Variants in CAP1 observed in about 807,000 individuals in gnomAD.
CAP1 encodes adenylyl cyclase-associated protein 1.
CAP1 carries 11 observed loss-of-function variants against 58.2 expected under a neutral mutation model. The ratio of observed to expected loss-of-function variants is 0.19; its 90% CI spans 0.12 to 0.31. The LOEUF is 0.31. Ranked by LOEUF, CAP1 falls within the 10% of genes least tolerant of loss-of-function variation. The pLI is 1.00. For missense variants in CAP1, 423 were observed against 587.5 expected, an observed-to-expected ratio of 0.72 and a Z score of 2.89; for synonymous variants, 183 against 213.8, an observed-to-expected ratio of 0.86 and a Z score of 1.26.
intron 6 of CAP1, among the ~76,000 whole-genome samples, 188 bp from the exon 7 acceptor site, chr1:40,066,027 G>A (rs1327832846): frequency 6.6e-6 from 1 of 152,166 alleles, no homozygotes; most frequent in Non-Finnish European, 1.5e-5. Context: ...GTGGAGTTTG[G>A]TCTGATTAGG....
chr1:40,040,476 AG>A, upstream of CAP1: 1 of 152,310 alleles, frequency 6.6e-6, no homozygotes, highest in South Asian at 2.1e-4. Context: ...GGGTAGGTAA[AG>A]CGGAACGAGG....
chr1:40,053,182 C>T (rs752807424), intron 1 of CAP1, among the ~76,000 whole-genome samples: 4 of 152,102 alleles, frequency 2.6e-5, no homozygotes, highest in Non-Finnish European at 5.9e-5. Flanking sequence ...TGAGATCGTG[C>T]CACTGTACAG....
At chr1:40,066,777 G>T (rs1460903885) in intron 7 of CAP1, among the ~76,000 whole-genome samples, 3 of 152,238 alleles carry the variant, frequency 2.0e-5, no homozygotes, top group Non-Finnish European at 2.9e-5. Context: ...GTATAGGGCA[G>T]TGAGAAGTGG....
intron 1 of CAP1, among the ~76,000 whole-genome samples, chr1:40,048,090 C>G (rs578120220): frequency 6.8e-4 from 103 of 151,548 alleles, no homozygotes; most frequent in Non-Finnish European, 1.3e-3. Context: ...TCTGTCTTGG[C>G]TCACCGTAAC....
chr1:40,057,455 C>G (rs1646665917), intron 1 of CAP1: 1 of 152,094 alleles, frequency 6.6e-6, no homozygotes, highest in African/African-American at 2.4e-5. Flanking sequence ...GGACATAGAC[C>G]TGGAGGCTTC....
chr1:40,053,636 G>A (rs760237949), intron 1 of CAP1, among the ~76,000 whole-genome samples: 1 of 152,032 alleles, frequency 6.6e-6, no homozygotes, highest in Non-Finnish European at 1.5e-5. Context: ...TAGTAAAGAC[G>A]GGGTTTCTCC....
In CAP1 at chr1:40,064,572, T is replaced by G. The variant is rs1557691749; in HGVS notation, c.524+13T>G. 1 of 1,593,354 alleles carries G rather than the reference T, an allele frequency of 6.3e-7. No homozygotes were observed. The highest frequency in any genetic ancestry group is 2.2e-5 in the East Asian group (1 of 44,796). On this transcript the variant is annotated intron_variant, in intron 6 of 12. Transcript: ENST00000372805. ...AGTACAAAGATGTGTAAGTTCAGCC[T>G]TTTCTCTCTTTTTTTCTTTTCTGAG...
chr1:40,062,587 T>A (rs1646896079), intron 4 of CAP1, among the ~76,000 whole-genome samples: 1 of 151,854 alleles, frequency 6.6e-6, no homozygotes, highest in African/African-American at 2.4e-5. Context: ...TCGTCTCTAT[T>A]AAAAATTAAA....
At chr1:40,065,825 C>G (rs963310782) in intron 6 of CAP1, among the ~76,000 whole-genome samples, 2 of 152,162 alleles carry the variant, frequency 1.3e-5, no homozygotes, top group African/African-American at 4.8e-5. Context: ...GAGCTCTCCT[C>G]TCTACCATGG....
chr1:40,066,175 C>T, intron 6 of CAP1, 40 bp from the exon 7 acceptor site: 1 of 1,114,722 alleles, frequency 9.0e-7, no homozygotes, highest in Non-Finnish European at 1.4e-6. Context: ...CTGTTATGTA[C>T]CCGGATCACC....
At chr1:40,060,565 T>C (rs1646805511) in intron 3 of CAP1, among the ~76,000 whole-genome samples, 1 of 152,216 alleles carries the variant, frequency 6.6e-6, no homozygotes, top group Non-Finnish European at 1.5e-5. Context: ...GTTATGCTAA[T>C]GTGGGTTATT....
rs1156740891 is a variant in CAP1 at position 40,072,545 on chromosome 1, A to G, written c.*1012A>G. On this transcript the variant is annotated 3_prime_UTR_variant, in exon 13 of 13. Coordinates refer to ENST00000372805, the MANE Select transcript of CAP1 (RefSeq NM_006367.4). The stretch of plus-strand genomic sequence containing the variant: ...TATGCAACTTTTTTTTGGTGGGAAG[A>G]GAGATTGTCCTGTGATTTCTACCCA... 6.5e-6 allele frequency: 1 copy of G among 154,306 alleles called. No homozygotes were observed. The highest frequency in any genetic ancestry group is 1.9e-4 in the East Asian group (1 of 5,220). 9.6% of individuals were successfully genotyped at this position (154,306 alleles called of 1,614,324 possible).
At chr1:40,050,951 T>G (rs1393769291) in intron 1 of CAP1, among the ~76,000 whole-genome samples, 3 of 152,184 alleles carry the variant, frequency 2.0e-5, no homozygotes, top group Non-Finnish European at 2.9e-5. Flanking sequence ...TTCCCTATAA[T>G]ACTCCATGTT....
At chr1:40,069,964 C>T in intron 9 of CAP1, 90 bp downstream of exon 9, 2 of 1,425,578 alleles carry the variant, frequency 1.4e-6, no homozygotes, top group Non-Finnish European at 1.9e-6. Context: ...GGCTGGAGTG[C>T]AGTGGCGCGA....
At chr1:40,063,238 C>T (rs1168696584) in intron 4 of CAP1, among the ~76,000 whole-genome samples, 1 of 151,734 alleles carries the variant, frequency 6.6e-6, no homozygotes, top group East Asian at 1.9e-4. Flanking sequence ...AGTGCAGTGG[C>T]AGGATCTCGG....
chr1:40,055,455 A>G (rs1646571001), intron 1 of CAP1, among the ~76,000 whole-genome samples: 1 of 152,244 alleles, frequency 6.6e-6, no homozygotes, highest in African/African-American at 2.4e-5. Flanking sequence ...AAAGTTTATT[A>G]CTGTAACTAG....
At chr1:40,049,111 A>G (rs1570352188) in intron 1 of CAP1, among the ~76,000 whole-genome samples, 1 of 149,364 alleles carries the variant, frequency 6.7e-6, no homozygotes, top group Non-Finnish European at 1.5e-5. Flanking sequence ...GGCAGAAGGA[A>G]TTGGGTTAAG....
rs561361802 is a variant in CAP1, at chr1:40,046,332, G to A, written c.-11+5531G>A. On this transcript the variant is annotated intron_variant, in intron 1 of 12. Transcript: ENST00000372805. ...TTTGCTGGGTGTGGTGGCATGTACC[G>A]TAATCCCAACTACTAGGGAGGCTGA... Among the ~76,000 whole-genome samples the A allele has an allele frequency of 3.3e-5, 5 of 152,146 alleles. No homozygotes were observed. In the South Asian group the frequency reaches 8.3e-4, roughly 25 times the overall value.
chr1:40,049,335 A>C (rs1646254464), intron 1 of CAP1, among the ~76,000 whole-genome samples: 2 of 151,442 alleles, frequency 1.3e-5, no homozygotes, highest in South Asian at 4.2e-4. Context: ...TTTTTACAAG[A>C]TGATTTCTAG....
Sources: gnomAD v4.1 joint callset for allele counts (sites outside exome capture counted in the v4.1 genomes callset) on GRCh38, gnomAD v4.1.1 for gene constraint, MANE v1.5 for transcripts, NCBI Gene and HGNC (gene_info 2026-07-23, HGNC 2026-07-21) for gene names.